Variants in MACROD2 observed in about 807,000 individuals in gnomAD.
MACROD2 encodes the protein mono-ADP ribosylhydrolase 2.
MACROD2 carries 36 observed loss-of-function variants against 70.4 expected under a neutral mutation model. That is an observed-to-expected ratio of 0.51 (90% CI 0.39 to 0.68). MACROD2 has a LOEUF of 0.68. MACROD2 is among the 30% of genes least tolerant of loss of function. MACROD2 has a pLI of 0.00. For missense variants in MACROD2, 496 were observed against 538.4 expected, an observed-to-expected ratio of 0.92 and a Z score of 0.78; for synonymous variants, 172 against 178.8, an observed-to-expected ratio of 0.96 and a Z score of 0.30.
intron 5 of MACROD2, among the ~76,000 whole-genome samples, chr20:14,800,705 G>A (rs998137201): frequency 2.0e-5 from 3 of 152,078 alleles, no homozygotes; most frequent in Non-Finnish European, 4.4e-5. Flanking sequence ...TAGGGAACTT[G>A]TGAACTCCTT....
In MACROD2 at chr20:16,049,996, C is replaced by G; in HGVS notation, c.*120C>G. The G allele has an allele frequency of 4.0e-6, 3 of 746,148 alleles. 1 individual carries two copies. The South Asian group carries it at 7.3e-5, about 18-fold the overall frequency. The allele number at this position is 746,148 out of a possible 1,614,324, so 46.2% of individuals were successfully genotyped here. A position where few individuals can be genotyped will look rare whatever the true frequency, so the allele number is the denominator to read the frequency against. On this transcript the variant is annotated 3_prime_UTR_variant, in exon 18 of 18. Transcript: ENST00000684519. ...AAGTCCCATGGAAGGACGGGGAATCCTTTACTCTAATTTCTCCAGCTGCAT... is the reference window on the plus strand; with the variant it reads ...AAGTCCCATGGAAGGACGGGGAATCGTTTACTCTAATTTCTCCAGCTGCAT...
rs535503990 is a variant in MACROD2 at position 14,142,579 on chromosome 20, C to A, written c.271+56851C>A. Among the ~76,000 whole-genome samples the A allele has an allele frequency of 1.7e-4, 26 of 152,256 alleles. No homozygotes were observed. The South Asian group carries it at 4.8e-3, about 28-fold the overall frequency. ...CAAGCATTATGAAGCTGCCACCACA[C>A]TTATTATTTTGCTACATAAGAAATT... On this transcript the variant is annotated intron_variant, in intron 3 of 17. Coordinates refer to ENST00000684519, the MANE Select transcript of MACROD2 (RefSeq NM_001351661.2).
At chr20:14,190,698 ATTTTTTTTTTT>A (rs1161419446) in intron 3 of MACROD2, among the ~76,000 whole-genome samples, 7 of 28,088 alleles carry the variant, frequency 2.5e-4, no homozygotes, top group South Asian at 2.7e-3. Context: ...ATATATATAT[ATTTTTTTTTTT>A]TTTTTTTTTT....
At chr20:15,620,561 G>A (rs2049111016) in intron 8 of MACROD2, among the ~76,000 whole-genome samples, 1 of 152,188 alleles carries the variant, frequency 6.6e-6, no homozygotes, top group African/African-American at 2.4e-5. Flanking sequence ...CCTGTGCAAT[G>A]TGCAATGACT....
intron 10 of MACROD2, among the ~76,000 whole-genome samples, chr20:15,931,961 C>T (rs945956715): frequency 3.9e-5 from 6 of 152,054 alleles, no homozygotes; most frequent in Admixed American, 6.6e-5. Context: ...TCTCTTGCCT[C>T]GGAATTAAGA....
intron 9 of MACROD2, among the ~76,000 whole-genome samples, chr20:15,864,158 T>C (rs2064461271): frequency 6.6e-6 from 1 of 152,144 alleles, no homozygotes; most frequent in Admixed American, 6.5e-5. Flanking sequence ...ACATAACAGC[T>C]ATTTAATAAT....
At chr20:14,596,073 TTA>T (rs780555386) in intron 4 of MACROD2, among the ~76,000 whole-genome samples, 1 of 150,658 alleles carries the variant, frequency 6.6e-6, no homozygotes. Context: ...CCACACACAT[TTA>T]TATATATATA....
intron 15 of MACROD2, among the ~76,000 whole-genome samples, chr20:16,008,122 C>T (rs1371858165): frequency 6.6e-6 from 1 of 152,228 alleles, no homozygotes; most frequent in Admixed American, 6.5e-5. Flanking sequence ...TCTGCTGACT[C>T]ATCCCAGCTT....
At chr20:15,880,546 G>A (rs1034280535) in intron 9 of MACROD2, among the ~76,000 whole-genome samples, 2 of 151,894 alleles carry the variant, frequency 1.3e-5, no homozygotes, top group African/African-American at 4.8e-5. Flanking sequence ...CTCTAAGCCA[G>A]TTACCACTGG....
At chr20:14,542,297 G>A (rs944249682) in intron 4 of MACROD2, among the ~76,000 whole-genome samples, 11 of 152,162 alleles carry the variant, frequency 7.2e-5, no homozygotes, top group South Asian at 6.2e-4. Flanking sequence ...TTCATGTGCT[G>A]CTCTTTATTT....
At chr20:15,057,112 A>G (rs2075492786) in intron 5 of MACROD2, among the ~76,000 whole-genome samples, 1 of 152,202 alleles carries the variant, frequency 6.6e-6, no homozygotes, top group African/African-American at 2.4e-5. Flanking sequence ...ATATTTTTTA[A>G]AAAAGTGTGT....
At chr20:14,302,871 C>T (rs2082487808) in intron 3 of MACROD2, among the ~76,000 whole-genome samples, 1 of 152,102 alleles carries the variant, frequency 6.6e-6, no homozygotes, top group East Asian at 1.9e-4. Context: ...CCAGGCTGCT[C>T]TTGAACTCCT....
At chr20:14,363,767 A>G in intron 3 of MACROD2, among the ~76,000 whole-genome samples, 1 of 143,678 alleles carries the variant, frequency 7.0e-6, no homozygotes, top group East Asian at 2.2e-4. Flanking sequence ...CAGTGAGCAG[A>G]CATCGCGCCA....
chr20:15,813,025 G>T (rs1440019506), intron 8 of MACROD2, among the ~76,000 whole-genome samples: 1 of 151,942 alleles, frequency 6.6e-6, no homozygotes, highest in African/African-American at 2.4e-5. Flanking sequence ...CTTTTATAGG[G>T]CTGATTCCCC....
chr20:15,052,652 A>G (rs2075451904), intron 5 of MACROD2, among the ~76,000 whole-genome samples: 1 of 152,172 alleles, frequency 6.6e-6, no homozygotes, highest in African/African-American at 2.4e-5. Flanking sequence ...CCTCTCCTGG[A>G]GCCTCCGTAT....
At chr20:15,331,021 T>C (rs192551680) in intron 6 of MACROD2, among the ~76,000 whole-genome samples, 1 of 151,742 alleles carries the variant, frequency 6.6e-6, no homozygotes, top group East Asian at 1.9e-4. Context: ...CTTTGATGCC[T>C]TATGAAAAGA....
chr20:14,244,695 G>A (rs2081955474), intron 3 of MACROD2, among the ~76,000 whole-genome samples: 1 of 152,196 alleles, frequency 6.6e-6, no homozygotes, highest in African/African-American at 2.4e-5. Flanking sequence ...TACAAATGAT[G>A]GCCGCTGAGC....
chr20:14,557,794 G>C (rs1164267353), intron 4 of MACROD2, among the ~76,000 whole-genome samples: 1 of 151,774 alleles, frequency 6.6e-6, no homozygotes, highest in Non-Finnish European at 1.5e-5. Flanking sequence ...AGATGGTGCA[G>C]TCACTGTGAA....
chr20:14,932,131 G>A (rs1162872671), intron 5 of MACROD2, among the ~76,000 whole-genome samples: 2 of 152,130 alleles, frequency 1.3e-5, no homozygotes, highest in Non-Finnish European at 2.9e-5. Flanking sequence ...CTGTGCCCCT[G>A]GTTCCGGGTG....
Sources: allele counts gnomAD v4.1 joint callset (sites outside exome capture counted in the v4.1 genomes callset), GRCh38; gene constraint gnomAD v4.1.1; transcripts MANE v1.5; gene names NCBI Gene and HGNC (gene_info 2026-07-23, HGNC 2026-07-21).